Variants in GNAI1 observed in about 807,000 individuals in gnomAD.
GNAI1 encodes G protein subunit alpha i1, also known as guanine nucleotide-binding protein G(i) subunit alpha-1.
A neutral mutation model predicts 38.9 loss-of-function variants in GNAI1; 11 were observed. The ratio of observed to expected loss-of-function variants is 0.28; its 90% confidence interval spans 0.18 to 0.47. The LOEUF is 0.47. Ranked by LOEUF, GNAI1 falls within the 20% of genes least tolerant of loss-of-function variation. The probability of loss-of-function intolerance (pLI) is 0.99; values close to 1 mark genes in which losing one functional copy is unlikely to be tolerated. For missense variants in GNAI1, 317 were observed against 436.9 expected, an observed-to-expected ratio of 0.73 and a Z score of 2.45; for synonymous variants, 166 against 145.1, an observed-to-expected ratio of 1.14 and a Z score of -1.04.
Position 80,223,642 on chromosome 7 carries a change from T to A in GNAI1, c.*6149T>A, listed in dbSNP as rs182018071. On this transcript the variant is annotated 3_prime_UTR_variant, in exon 8 of 8. Transcript: ENST00000649796. ...GCGGACTATCCCAGCAGCAAATTCA[T>A]TAATATGGTTTGTATAGGACTCACT... Among the ~76,000 whole-genome samples the A allele has an allele frequency of 6.6e-5, 10 of 152,338 alleles. No homozygotes were observed. Among genetic ancestry groups the A allele is most frequent in the Non-Finnish European group, 1.2e-4 (8 of 68,024 alleles).
rs528013660 is a variant in GNAI1, at chr7:80,160,057, C to T, written c.118+24779C>T. ...CCTCCTGTTACTTGGCTTTAAGGAT[C>T]TGTGCTCAGAGGCAACTCTGTTGCG... On this transcript the variant is annotated intron_variant, in intron 1 of 7. Coordinates refer to ENST00000649796, the MANE Select transcript of GNAI1 (RefSeq NM_002069.6). Among the ~76,000 whole-genome samples, 3 of 152,246 alleles carry T rather than the reference C, an allele frequency of 2.0e-5. No homozygotes were observed. In the East Asian group the frequency reaches 5.8e-4, roughly 29 times the overall value.
chr7:80,209,042 T>G (rs13222403), intron 5 of GNAI1, among the ~76,000 whole-genome samples: 33,631 of 152,150 alleles, frequency 0.22, 3,851 homozygotes, highest in Middle Eastern at 0.24. Flanking sequence ...TTTATTTCCA[T>G]CTCAGCTCTT....
chr7:80,173,115 C>T (rs1788124401), intron 1 of GNAI1, among the ~76,000 whole-genome samples: 2 of 152,100 alleles, frequency 1.3e-5, no homozygotes, highest in South Asian at 2.1e-4. Context: ...GGATTGTGCC[C>T]TTAAGGTGAA....
intron 1 of GNAI1, among the ~76,000 whole-genome samples, chr7:80,153,307 C>T (rs551307183): frequency 6.6e-6 from 1 of 151,884 alleles, no homozygotes; most frequent in South Asian, 2.1e-4. Flanking sequence ...AGTTTTACAT[C>T]CTTGGTTTTG....
intron 1 of GNAI1, among the ~76,000 whole-genome samples, chr7:80,158,416 T>C (rs1420864941): frequency 6.6e-6 from 1 of 152,172 alleles, no homozygotes; most frequent in Non-Finnish European, 1.5e-5. Context: ...TCATCTCGAA[T>C]TGTAGTTCCC....
intron 1 of GNAI1, 161 bp downstream of exon 1, chr7:80,135,439 C>T (rs1180846973): frequency 9.2e-6 from 4 of 434,492 alleles, no homozygotes; most frequent in Admixed American, 4.4e-5. Context: ...GCGGGTCCCC[C>T]TCTCCCGGTG....
chr7:80,216,923 A>T (rs1445378768), intron 7 of GNAI1, among the ~76,000 whole-genome samples: 1 of 152,120 alleles, frequency 6.6e-6, no homozygotes, highest in Admixed American at 6.6e-5. Flanking sequence ...ACATTTTTTG[A>T]TCCACCATTG....
intron 3 of GNAI1, among the ~76,000 whole-genome samples, chr7:80,190,463 A>G (rs1788462529): frequency 6.6e-6 from 1 of 152,138 alleles, no homozygotes; most frequent in African/African-American, 2.4e-5. Flanking sequence ...AAATGCATAA[A>G]TTAGAGTGAT....
At chr7:80,182,020 A>G (rs949250024) in intron 1 of GNAI1, among the ~76,000 whole-genome samples, 2 of 151,588 alleles carry the variant, frequency 1.3e-5, no homozygotes, top group African/African-American at 4.8e-5. Flanking sequence ...TTTGACCCAC[A>G]TCTCCCTCCC....
At chr7:80,171,261 AT>A (rs1788093785) in intron 1 of GNAI1, among the ~76,000 whole-genome samples, 1 of 151,946 alleles carries the variant, frequency 6.6e-6, no homozygotes, top group African/African-American at 2.4e-5. Context: ...TAAAAAATTT[AT>A]TAATTTATTG....
At chr7:80,178,627 T>G (rs1788236224) in intron 1 of GNAI1, among the ~76,000 whole-genome samples, 1 of 152,196 alleles carries the variant, frequency 6.6e-6, no homozygotes, top group Non-Finnish European at 1.5e-5. Flanking sequence ...TATTTTTTAT[T>G]AAGGTATGTA....
intron 3 of GNAI1, among the ~76,000 whole-genome samples, chr7:80,193,309 TAAG>T (rs1030144453): frequency 2.0e-5 from 3 of 152,152 alleles, no homozygotes; most frequent in Non-Finnish European, 2.9e-5. Flanking sequence ...AAGAATTGAG[TAAG>T]AAGATGTAAA....
chr7:80,211,950 A>G (rs1788882926), intron 6 of GNAI1, among the ~76,000 whole-genome samples: 1 of 152,158 alleles, frequency 6.6e-6, no homozygotes, highest in African/African-American at 2.4e-5. Flanking sequence ...ATTTTTTTCA[A>G]CCAAGCACAT....
intron 5 of GNAI1, among the ~76,000 whole-genome samples, chr7:80,206,414 C>T (rs1319524095): frequency 6.6e-6 from 1 of 151,898 alleles, no homozygotes; most frequent in African/African-American, 2.4e-5. Flanking sequence ...AATCGTTTAA[C>T]TTCTTTTAGT....
chr7:80,147,234 T>C (rs1007973167), intron 1 of GNAI1, among the ~76,000 whole-genome samples: 2 of 152,086 alleles, frequency 1.3e-5, no homozygotes, highest in Non-Finnish European at 2.9e-5. Flanking sequence ...GCAGACTGAA[T>C]ATTTGTATTC....
Position 80,189,908 on chromosome 7 carries a change from C to T in GNAI1, c.303+677C>T, listed in dbSNP as rs146109475. Among the ~76,000 whole-genome samples the T allele has an allele frequency of 5.3e-5, 8 of 152,238 alleles. No individual in the cohort carries two copies. The East Asian group carries it at 1.5e-3, about 29-fold the overall frequency. On this transcript the variant is annotated intron_variant, in intron 3 of 7. Transcript: ENST00000649796. ...TAACTTGTTTCAGTTGGATTGGAAG[C>T]AGCCCAATCCAATCCGTAAGGCACC...
At chr7:80,136,055 A>T (rs1787409783) in intron 1 of GNAI1, 1 of 985,070 alleles carries the variant, frequency 1.0e-6, no homozygotes, top group Non-Finnish European at 1.2e-6. Flanking sequence ...ACCGTTTCTG[A>T]TGAATGAGAT....
At chr7:80,168,675 G>A (rs1334393299) in intron 1 of GNAI1, among the ~76,000 whole-genome samples, 4 of 152,222 alleles carry the variant, frequency 2.6e-5, no homozygotes, top group East Asian at 1.9e-4. Context: ...GAGCCACCGC[G>A]CCTGGCCAAT....
At chr7:80,182,041 T>G (rs67783451) in intron 1 of GNAI1, among the ~76,000 whole-genome samples, 20,356 of 152,082 alleles carry the variant, frequency 0.13, 1,678 homozygotes, top group South Asian at 0.23. Context: ...TCCCCTTCAG[T>G]TTCCCCAGCT....
Sources: allele counts gnomAD v4.1 joint callset (sites outside exome capture counted in the v4.1 genomes callset), GRCh38; gene constraint gnomAD v4.1.1; transcripts MANE v1.5; gene names NCBI Gene and HGNC (gene_info 2026-07-23, HGNC 2026-07-21).